RARB: variants seen among roughly 807,000 people sequenced by gnomAD.
RARB encodes retinoic acid receptor beta.
A neutral mutation model predicts 51.9 loss-of-function variants in RARB; 17 were observed. That is an observed-to-expected ratio of 0.33 (90% CI 0.22 to 0.49). The LOEUF (loss-of-function observed/expected upper bound fraction) is 0.49. Ranked by LOEUF, RARB falls within the 20% of genes least tolerant of loss-of-function variation. RARB has a pLI of 0.99. For synonymous variants in RARB, 215 were observed against 195.4 expected (o/e 1.10, Z -0.84); for missense variants, 369 against 550.8 (o/e 0.67, Z 3.30).
intron 3 of RARB, among the ~76,000 whole-genome samples, chr3:25,096,656 G>C (rs759190426): frequency 3.9e-5 from 6 of 152,116 alleles, no homozygotes; most frequent in Middle Eastern, 3.4e-3. Flanking sequence ...AAAGGCAAGA[G>C]AGGGTGGAGA....
intron 5 of RARB, among the ~76,000 whole-genome samples, chr3:25,210,220 G>T (rs1484444811): frequency 6.6e-6 from 1 of 152,112 alleles, no homozygotes; most frequent in African/African-American, 2.4e-5. Flanking sequence ...GTCTACACTG[G>T]GTTAGTGAAT....
intron 2 of RARB, among the ~76,000 whole-genome samples, chr3:25,007,733 A>G (rs2125278217): frequency 6.6e-6 from 1 of 152,198 alleles, no homozygotes; most frequent in South Asian, 2.1e-4. Flanking sequence ...AATATTCTCA[A>G]AAATCATTTT....
chr3:25,098,224 G>A (rs1699337070), intron 3 of RARB, among the ~76,000 whole-genome samples: 1 of 152,074 alleles, frequency 6.6e-6, no homozygotes, highest in Admixed American at 6.6e-5. Context: ...GCAAAGGCAG[G>A]CAGTGGAAAG....
chr3:25,290,753 T>G (rs1230215660), intron 5 of RARB, among the ~76,000 whole-genome samples: 1 of 152,168 alleles, frequency 6.6e-6, no homozygotes, highest in East Asian at 1.9e-4. Context: ...CCTCTCTCTG[T>G]ATATATAAGG....
rs376472153 is a variant in RARB at position 25,126,478 on chromosome 3, CA to C, written c.-327-5682del. ...TTAAAGGTCACTAATGCTAAACAAGCATGGTGCTTTTGTACCTTTCTTAAAA... is the reference window on the plus strand; with the variant it reads ...TTAAAGGTCACTAATGCTAAACAAGCTGGTGCTTTTGTACCTTTCTTAAAA... On this transcript the variant is annotated intron_variant, in intron 3 of 11. Coordinates refer to the RARB transcript ENST00000383772. Among the ~76,000 whole-genome samples, 16 of 151,888 alleles carry C rather than the reference CA, an allele frequency of 1.1e-4. No homozygotes were observed. The East Asian group carries it at 2.1e-3, about 20-fold the overall frequency.
intron 2 of RARB, among the ~76,000 whole-genome samples, chr3:24,973,074 C>T (rs1402447461): frequency 1.3e-5 from 2 of 151,938 alleles, no homozygotes; most frequent in Admixed American, 6.6e-5. Context: ...TGAAGCATTT[C>T]CCCAAAAGTT....
chr3:25,507,608 G>A (rs758743386), intron 3 of RARB, among the ~76,000 whole-genome samples: 12 of 152,224 alleles, frequency 7.9e-5, no homozygotes, highest in Non-Finnish European at 1.3e-4. Flanking sequence ...GAGCTGAGCA[G>A]GTGTCTTGGG....
At chr3:24,881,019 T>C (rs1694571216) in intron 2 of RARB, among the ~76,000 whole-genome samples, 1 of 152,118 alleles carries the variant, frequency 6.6e-6, no homozygotes, top group African/African-American at 2.4e-5. Context: ...GAGGACCTTG[T>C]GGTAGGTGAT....
intron 5 of RARB, among the ~76,000 whole-genome samples, chr3:25,212,223 TAAGTA>T (rs1031814953): frequency 6.6e-6 from 1 of 152,182 alleles, no homozygotes; most frequent in African/African-American, 2.4e-5. Flanking sequence ...AAAATGTACC[TAAGTA>T]AATAAGCTCA....
rs148042372 is a variant in RARB at position 25,330,472 on chromosome 3, T to G, written c.179-130721T>G. ...TACAGACAAGCAAATGCTGAGAGAT[T>G]TTGTCACAACCAGGCCTGCCCTACA... On this transcript the variant is annotated intron_variant, in intron 5 of 11. Coordinates refer to the RARB transcript ENST00000383772. Among the ~76,000 whole-genome samples the G allele has an allele frequency of 3.3e-3, 502 of 152,244 alleles. 5 individuals are homozygous for G. The highest frequency in any genetic ancestry group is 7.3e-3 in the Admixed American group (112 of 15,290).
At chr3:24,899,301 G>T (rs370140143) in intron 2 of RARB, among the ~76,000 whole-genome samples, 4 of 152,112 alleles carry the variant, frequency 2.6e-5, no homozygotes, top group Admixed American at 1.3e-4. Flanking sequence ...AAAAGAATAA[G>T]TGCTCCAGGT....
intron 5 of RARB, among the ~76,000 whole-genome samples, chr3:25,395,933 T>G (rs1372088149): frequency 1.3e-5 from 2 of 152,200 alleles, no homozygotes; most frequent in Non-Finnish European, 2.9e-5. Context: ...TTAAAAAACC[T>G]TGTTTTGTCA....
At chr3:24,866,055 G>C (rs548594278) in intron 2 of RARB, among the ~76,000 whole-genome samples, 1 of 152,028 alleles carries the variant, frequency 6.6e-6, no homozygotes, top group Non-Finnish European at 1.5e-5. Flanking sequence ...AATGCCACAG[G>C]GATTCTGGAT....
intron 3 of RARB, among the ~76,000 whole-genome samples, chr3:25,070,030 C>T (rs1393212182): frequency 6.6e-6 from 1 of 152,188 alleles, no homozygotes; most frequent in East Asian, 1.9e-4. Flanking sequence ...CAGGCAAGGC[C>T]ATGCTCTCTC....
chr3:24,976,718 C>G (rs1371779369), intron 2 of RARB, among the ~76,000 whole-genome samples: 1 of 152,144 alleles, frequency 6.6e-6, no homozygotes, highest in African/African-American at 2.4e-5. Flanking sequence ...GTTGCCTGTT[C>G]ACCCTGATGG....
At position 25,106,460 on chromosome 3, in the gene RARB, T is replaced by G. The variant is rs572692303; in HGVS notation, c.-327-25701T>G. The stretch of plus-strand genomic sequence containing the variant: ...CCAGCTACTGTTTTTTGTTTTTTGT[T>G]TTTTTTTGTTTTGTTTTTTTTTTGT... On this transcript the variant is annotated intron_variant, in intron 3 of 11. Coordinates refer to the RARB transcript ENST00000383772. 5.2e-3 allele frequency among the ~76,000 whole-genome samples: 651 copies of G among 124,284 alleles called. 41 individuals are homozygous for G. Among genetic ancestry groups the G allele is most frequent in the South Asian group, 0.044 (163 of 3,708 alleles). The allele number at this position is 124,284 out of a possible 152,430, so 81.5% of individuals were successfully genotyped here.
rs900472957 is a variant in RARB at position 25,194,893 on chromosome 3, C to T, written c.178+20318C>T. Reference sequence around the variant, plus strand: ...ACATTCAGTGACATTCTCTTCTTTTCCTGGCTCTGCTTTTCAAAGCATGCT... The same window carrying T: ...ACATTCAGTGACATTCTCTTCTTTTTCTGGCTCTGCTTTTCAAAGCATGCT... On this transcript the variant is annotated intron_variant, in intron 5 of 11. Transcript: ENST00000383772. Among the ~76,000 whole-genome samples, 5 of 152,032 alleles carry T rather than the reference C, an allele frequency of 3.3e-5. No individual in the cohort carries two copies. In the East Asian group the frequency reaches 5.8e-4, roughly 18 times the overall value.
At chr3:24,918,526 T>C (rs1161196994) in intron 2 of RARB, among the ~76,000 whole-genome samples, 2 of 152,334 alleles carry the variant, frequency 1.3e-5, no homozygotes, top group Admixed American at 6.5e-5. Flanking sequence ...AATTATACAC[T>C]TATAACAGGT....
intron 5 of RARB, among the ~76,000 whole-genome samples, chr3:25,322,307 A>T (rs1170215866): frequency 6.6e-6 from 1 of 152,240 alleles, no homozygotes. Flanking sequence ...TGATGAAGAA[A>T]AAGAAAGTTG....
Sources: allele counts gnomAD v4.1 joint callset (sites outside exome capture counted in the v4.1 genomes callset), GRCh38; gene constraint gnomAD v4.1.1; transcripts MANE v1.5; gene names NCBI Gene and HGNC (gene_info 2026-07-23, HGNC 2026-07-21).